DKK2: variants seen among roughly 807,000 people sequenced by gnomAD.
The protein encoded by DKK2 is dickkopf-related protein 2.
A neutral mutation model predicts 28.1 loss-of-function variants in DKK2; 11 were observed. The observed-to-expected ratio is 0.39, with a 90% confidence interval of 0.25 to 0.65. The LOEUF (loss-of-function observed/expected upper bound fraction) is 0.65. Ranked by LOEUF, DKK2 falls within the 30% of genes least tolerant of loss-of-function variation. DKK2 has a pLI of 0.47. For missense variants in DKK2, 326 were observed against 335.5 expected (o/e 0.97, Z 0.22); for synonymous variants, 135 against 126.5 (o/e 1.07, Z -0.45).
At chr4:107,012,899 T>C (rs1723536131) in intron 1 of DKK2, among the ~76,000 whole-genome samples, 2 of 150,752 alleles carry the variant, frequency 1.3e-5, no homozygotes, top group African/African-American at 2.4e-5. Context: ...CTTTCTTTTA[T>C]ATTATCTCTT....
chr4:106,931,438 A>G (rs1724503223), intron 1 of DKK2, among the ~76,000 whole-genome samples: 1 of 152,282 alleles, frequency 6.6e-6, no homozygotes, highest in African/African-American at 2.4e-5. Flanking sequence ...TGAAAAAAAC[A>G]TATATCCTTC....
At chr4:106,940,082 T>C (rs1724670459) in intron 1 of DKK2, among the ~76,000 whole-genome samples, 1 of 152,100 alleles carries the variant, frequency 6.6e-6, no homozygotes, top group African/African-American at 2.4e-5. Context: ...CCAAAAGCAA[T>C]GGCAACAAAA....
intron 1 of DKK2, among the ~76,000 whole-genome samples, chr4:106,977,951 G>T (rs549081037): frequency 2.0e-5 from 3 of 152,240 alleles, no homozygotes; most frequent in African/African-American, 7.2e-5. Flanking sequence ...TGATGTTGAT[G>T]CTATTCCTTT....
Position 107,013,860 on chromosome 4 carries a change from T to C in DKK2, c.222+21510A>G, listed in dbSNP as rs186269543. The stretch of plus-strand genomic sequence containing the variant: ...ACTCCCTAGCAAAAAACAAATAATC[T>C]CATTTAAAAATGGGCAAAAGACTTT... On this transcript the variant is annotated intron_variant, in intron 1 of 3. Transcript: ENST00000285311. Among the ~76,000 whole-genome samples the C allele has an allele frequency of 1.7e-3, 250 of 151,418 alleles. No homozygotes were observed. In the Middle Eastern group the frequency reaches 0.017, roughly 10 times the overall value.
At chr4:106,959,602 G>A (rs72666009) in intron 1 of DKK2, among the ~76,000 whole-genome samples, 4,488 of 151,974 alleles carry the variant, frequency 0.03, 100 homozygotes, top group Non-Finnish European at 0.045. Flanking sequence ...AGAATGGTGT[G>A]ATTTTAATGG....
intron 3 of DKK2, 158 bp downstream of exon 3, chr4:106,924,387 C>T: frequency 4.8e-6 from 6 of 1,241,422 alleles, no homozygotes; most frequent in Non-Finnish European, 5.5e-6. Flanking sequence ...CTATTATGGT[C>T]TGTTTCCATT....
rs151049978 is a variant in DKK2, at chr4:106,947,760, G to A, written c.223-21811C>T. 1.6e-4 allele frequency among the ~76,000 whole-genome samples: 24 copies of A among 149,200 alleles called. No homozygotes were observed. The East Asian group carries it at 4.6e-3, about 29-fold the overall frequency. On this transcript the variant is annotated intron_variant, in intron 1 of 3. Coordinates refer to ENST00000285311, the MANE Select transcript of DKK2 (RefSeq NM_014421.3). ...CATGATCATAGCTCACTGTGACCTC[G>A]AACTACTAGGCTCAAGCAATCCTCC...
intron 1 of DKK2, among the ~76,000 whole-genome samples, chr4:107,034,869 G>C (rs1436593631): frequency 6.6e-6 from 1 of 152,190 alleles, no homozygotes; most frequent in Non-Finnish European, 1.5e-5. Flanking sequence ...TATACTAGCT[G>C]TGTGCCTTGG....
At chr4:107,026,130 T>G (rs1183790050) in intron 1 of DKK2, among the ~76,000 whole-genome samples, 1 of 152,188 alleles carries the variant, frequency 6.6e-6, no homozygotes, top group East Asian at 1.9e-4. Context: ...TTCTGTGTCC[T>G]GCTTTAGTCT....
At chr4:106,971,659 T>G (rs1359726846) in intron 1 of DKK2, among the ~76,000 whole-genome samples, 2 of 152,112 alleles carry the variant, frequency 1.3e-5, no homozygotes, top group Non-Finnish European at 2.9e-5. Flanking sequence ...TTTATAGTGT[T>G]CTTTGATCCA....
chr4:106,956,900 A>C (rs1221354429), intron 1 of DKK2, among the ~76,000 whole-genome samples: 2 of 151,004 alleles, frequency 1.3e-5, no homozygotes, highest in Admixed American at 6.6e-5. Flanking sequence ...AAATTGACAA[A>C]TGGGATCTAA....
intron 1 of DKK2, among the ~76,000 whole-genome samples, chr4:107,027,692 A>G (rs981397832): frequency 5.9e-5 from 9 of 151,972 alleles, no homozygotes; most frequent in African/African-American, 1.4e-4. Context: ...TATGCTGTTC[A>G]ATTATTTTGG....
chr4:107,028,220 A>T (rs867055981), intron 1 of DKK2, among the ~76,000 whole-genome samples: 1 of 152,174 alleles, frequency 6.6e-6, no homozygotes, highest in African/African-American at 2.4e-5. Flanking sequence ...GTGTATGTGC[A>T]TGTTTATTTT....
At chr4:107,034,251 A>G (rs1723926711) in intron 1 of DKK2, among the ~76,000 whole-genome samples, 2 of 152,160 alleles carry the variant, frequency 1.3e-5, no homozygotes, top group African/African-American at 4.8e-5. Flanking sequence ...GCAAAACAGC[A>G]GCATCAGTCG....
At chr4:107,003,618 G>A (rs995464512) in intron 1 of DKK2, among the ~76,000 whole-genome samples, 1 of 152,204 alleles carries the variant, frequency 6.6e-6, no homozygotes, top group Admixed American at 6.5e-5. Context: ...TCCACAGATG[G>A]TAGTTGTGCC....
intron 1 of DKK2, among the ~76,000 whole-genome samples, chr4:106,978,578 G>A (rs1722977403): frequency 6.6e-6 from 1 of 152,054 alleles, no homozygotes; most frequent in Admixed American, 6.5e-5. Flanking sequence ...AGTACTGGTG[G>A]ATGCCCCTCC....
chr4:106,965,597 T>G (rs1016458893), intron 1 of DKK2, among the ~76,000 whole-genome samples: 17 of 150,676 alleles, frequency 1.1e-4, no homozygotes, highest in African/African-American at 3.4e-4. Context: ...TAATTTAAGA[T>G]TTTTTTTTTA....
intron 1 of DKK2, among the ~76,000 whole-genome samples, chr4:107,031,491 A>G (rs1723874903): frequency 6.6e-6 from 1 of 152,018 alleles, no homozygotes; most frequent in Non-Finnish European, 1.5e-5. Flanking sequence ...ATGAATTTCA[A>G]GAATTCTTTT....
chr4:106,982,919 T>C (rs779689484), intron 1 of DKK2, among the ~76,000 whole-genome samples: 6 of 132,584 alleles, frequency 4.5e-5, no homozygotes, highest in Admixed American at 8.3e-5. Context: ...TTCTATACAT[T>C]GGGGAGGGAA....
Sources: allele counts gnomAD v4.1 joint callset (sites outside exome capture counted in the v4.1 genomes callset), GRCh38; gene constraint gnomAD v4.1.1; transcripts MANE v1.5; gene names NCBI Gene and HGNC (gene_info 2026-07-23, HGNC 2026-07-21).